The following COL23A1 variants were observed in gnomAD, a reference collection of about 807,000 sequenced individuals.
COL23A1 encodes the protein collagen type XXIII alpha 1 chain, also known as collagen alpha-1(XXIII) chain.
A neutral mutation model predicts 99.3 loss-of-function variants in COL23A1; 97 were observed. That is an observed-to-expected ratio of 0.98 (90% CI 0.83 to 1.16). The LOEUF (loss-of-function observed/expected upper bound fraction) is 1.16. Ranked by LOEUF, COL23A1 falls within the 50% of genes most tolerant of loss-of-function variation. The pLI is 0.00. For synonymous variants in COL23A1, 320 were observed against 308.2 expected (o/e 1.04, Z -0.40); for missense variants, 762 against 757.4 (o/e 1.01, Z -0.07).
At chr5:178,389,465 A>AT (rs1763848886) in intron 2 of COL23A1, among the ~76,000 whole-genome samples, 1 of 152,206 alleles carries the variant, frequency 6.6e-6, no homozygotes, top group Non-Finnish European at 1.5e-5. Flanking sequence ...CCTCACCCAG[A>AT]TGGCGAGACA....
intron 2 of COL23A1, among the ~76,000 whole-genome samples, chr5:178,312,995 C>T (rs956958614): frequency 1.3e-5 from 2 of 152,322 alleles, no homozygotes; most frequent in Middle Eastern, 3.4e-3. Context: ...ACTGATACAG[C>T]GGGACGTGAG....
Position 178,306,601 on chromosome 5 carries a change from A to G in COL23A1, c.406+274T>C, listed in dbSNP as rs1758368424. On this transcript the variant is annotated intron_variant, in intron 3 of 28. Transcript: ENST00000390654. The surrounding 1 kb of genome is among the most constrained non-coding windows in gnomAD (Gnocchi z 4.1). ...CCTCAGAGAGAGGGGGCTGCTCTGG[A>G]GTGGGGGACTAGGGGCCAACAACGA... Among the ~76,000 whole-genome samples the G allele has an allele frequency of 1.4e-5, 1 of 70,430 alleles. No homozygotes were observed. 46.2% of individuals were successfully genotyped at this position (70,430 alleles called of 152,430 possible).
At chr5:178,247,332 G>A (rs972150048) in intron 22 of COL23A1, among the ~76,000 whole-genome samples, 194 bp downstream of exon 22, 1 of 152,154 alleles carries the variant, frequency 6.6e-6, no homozygotes, top group African/African-American at 2.4e-5. Context: ...AGCCTCAAGG[G>A]TGGAGAGGGG....
intron 2 of COL23A1, chr5:178,351,994 G>C (rs998888090): frequency 2.0e-5 from 3 of 152,242 alleles, no homozygotes; most frequent in Non-Finnish European, 4.4e-5. Context: ...CCTTGGTCTT[G>C]GATGTCCAGC....
chr5:178,344,808 A>T, intron 2 of COL23A1: 1 of 606,530 alleles, frequency 1.6e-6, no homozygotes, highest in Non-Finnish European at 3.0e-6. Flanking sequence ...CTTTGTTAAG[A>T]TCACTGTAGC....
At chr5:178,339,559 G>A (rs75940513) in intron 2 of COL23A1, among the ~76,000 whole-genome samples, 3,405 of 152,334 alleles carry the variant, frequency 0.022, 63 homozygotes, top group Middle Eastern at 0.082. Flanking sequence ...CTGTGTGGTG[G>A]AGAGGCATTC....
intron 2 of COL23A1, among the ~76,000 whole-genome samples, chr5:178,539,556 AAAAAAAAAAAAAG>A: frequency 6.6e-6 from 1 of 150,626 alleles, no homozygotes; most frequent in Admixed American, 6.6e-5. Context: ...AAAAAAAAAA[AAAAAAAAAAAAAG>A]AAAAAGAAAG....
chr5:178,488,705 G>A (rs915494023), intron 2 of COL23A1, among the ~76,000 whole-genome samples: 3 of 151,726 alleles, frequency 2.0e-5, no homozygotes, highest in Admixed American at 6.6e-5. Context: ...ACGCTTTGAG[G>A]TATGATTGAC....
rs139832568 is a variant in COL23A1, at chr5:178,358,429, GTGTA to G, written c.362-51514_362-51511del. On this transcript the variant is annotated intron_variant, in intron 2 of 28. Coordinates refer to ENST00000390654, the MANE Select transcript of COL23A1 (RefSeq NM_173465.4). ...TGTGTGTATGTGTATGTGTGTGTAT[GTGTA>G]TGTGTGTATGTGTGTATATGTATGC... is the stretch of plus-strand genomic sequence containing the variant. Among the ~76,000 whole-genome samples the G allele has an allele frequency of 1.0e-4, 15 of 148,742 alleles. No homozygotes were observed. The South Asian group carries it at 1.9e-3, about 19-fold the overall frequency.
chr5:178,299,894 C>T (rs537937901), intron 3 of COL23A1, among the ~76,000 whole-genome samples: 109 of 151,708 alleles, frequency 7.2e-4, no homozygotes, highest in Non-Finnish European at 1.0e-3. Flanking sequence ...GCTGGGATTA[C>T]AGGCGCCCAC....
chr5:178,297,027 C>G (rs1289744541), intron 3 of COL23A1, among the ~76,000 whole-genome samples: 1 of 152,282 alleles, frequency 6.6e-6, no homozygotes, highest in Non-Finnish European at 1.5e-5. Flanking sequence ...CCTGGCCCAG[C>G]CTTCCTGCAT....
intron 2 of COL23A1, among the ~76,000 whole-genome samples, chr5:178,499,398 G>T (rs1479781305): frequency 6.6e-6 from 1 of 152,196 alleles, no homozygotes; most frequent in Admixed American, 6.5e-5. Context: ...ATGTCACGCT[G>T]ATCTTACGTG....
intron 2 of COL23A1, among the ~76,000 whole-genome samples, chr5:178,528,917 G>C (rs1474811502): frequency 1.3e-5 from 2 of 152,230 alleles, no homozygotes; most frequent in Non-Finnish European, 2.9e-5. Flanking sequence ...CTTGGCAGCT[G>C]TCTTGCCACT....
At chr5:178,474,472 T>C (rs577067489) in intron 2 of COL23A1, among the ~76,000 whole-genome samples, 2 of 152,350 alleles carry the variant, frequency 1.3e-5, no homozygotes, top group East Asian at 1.9e-4. Context: ...GAGGTTTTTA[T>C]TGAAAATATT....
At chr5:178,389,140 C>A (rs73349063) in intron 2 of COL23A1, among the ~76,000 whole-genome samples, 206 of 151,742 alleles carry the variant, frequency 1.4e-3, no homozygotes, top group African/African-American at 4.8e-3. Flanking sequence ...CTTTACATAA[C>A]CCAGCCTTGA....
intron 3 of COL23A1, among the ~76,000 whole-genome samples, chr5:178,304,207 T>C (rs570824694): frequency 5.3e-4 from 80 of 151,364 alleles, no homozygotes; most frequent in African/African-American, 1.9e-3. Flanking sequence ...CTGCCCTACC[T>C]GGCAAAAAAG....
At chr5:178,416,784 C>G (rs752645921) in intron 2 of COL23A1, among the ~76,000 whole-genome samples, 2 of 152,164 alleles carry the variant, frequency 1.3e-5, no homozygotes, top group Admixed American at 1.3e-4. Flanking sequence ...AGGATGACCC[C>G]GGAATCTAGT....
intron 2 of COL23A1, among the ~76,000 whole-genome samples, chr5:178,329,108 A>T (rs184230974): frequency 6.6e-6 from 1 of 152,302 alleles, no homozygotes; most frequent in Admixed American, 6.5e-5. Flanking sequence ...GGCCAATTTC[A>T]GGTTTCAAGT....
In COL23A1 at chr5:178,249,983, ACG is replaced by A. The variant is rs1052161409; in HGVS notation, c.1059+76_1059+77del. ...TCTCTAACTCTGTGCACACATGCAC[ACG>A]CACACACACACACACACACACACAG... On this transcript the variant is annotated intron_variant, in intron 18 of 28. Coordinates refer to ENST00000390654, the MANE Select transcript of COL23A1 (RefSeq NM_173465.4). 1.9e-5 allele frequency: 28 copies of A among 1,442,820 alleles called. No individual in the cohort carries two copies. In the South Asian group the frequency reaches 2.4e-4, roughly 12 times the overall value. The allele number at this position is 1,442,820 out of a possible 1,614,324, so 89.4% of individuals were successfully genotyped here. A position where few individuals can be genotyped will look rare whatever the true frequency, so the allele number is the denominator to read the frequency against.
Sources: gnomAD v4.1 joint callset for allele counts (sites outside exome capture counted in the v4.1 genomes callset) on GRCh38, gnomAD v4.1.1 for gene constraint, Gnocchi (gnomAD v3.1) non-coding constraint, MANE v1.5 for transcripts, NCBI Gene and HGNC (gene_info 2026-07-23, HGNC 2026-07-21) for gene names.